The following DOK7 variants were observed in gnomAD, a reference collection of about 807,000 sequenced individuals.
The protein encoded by DOK7 is docking protein 7.
A neutral mutation model predicts 30.7 loss-of-function variants in DOK7; 32 were observed. That is an observed-to-expected ratio of 1.04 (90% CI 0.79 to 1.40). The LOEUF (loss-of-function observed/expected upper bound fraction) is 1.40. Ranked by LOEUF, DOK7 falls within the 40% of genes most tolerant of loss-of-function variation. The probability of loss-of-function intolerance (pLI) is 0.00; values close to 1 mark genes in which losing one functional copy is unlikely to be tolerated. For synonymous variants in DOK7, 447 were observed against 324.1 expected, an observed-to-expected ratio of 1.38 and a Z score of -4.07; for missense variants, 1,007 against 699.2, an observed-to-expected ratio of 1.44 and a Z score of -4.97.
chr4:3,493,657 C>T lies in DOK7; in HGVS notation c.*156C>T. On this transcript the variant is annotated 3_prime_UTR_variant, in exon 7 of 7. Transcript: ENST00000340083. ...GGGAGCTGGAGGGCGCGCCCTGTGG[C>T]TGCCACCGGAGGAAGGGGCTGACTT... 1 of 1,456,808 alleles carries T rather than the reference C, an allele frequency of 6.9e-7. No homozygotes were observed. Among genetic ancestry groups the T allele is most frequent in the Non-Finnish European group, 9.1e-7 (1 of 1,103,556 alleles). 90.2% of individuals were successfully genotyped at this position (1,456,808 alleles called of 1,614,324 possible). A position where few individuals can be genotyped will look rare whatever the true frequency, so the allele number is the denominator to read the frequency against.
At position 3,494,475 on chromosome 4, in the gene DOK7, T is replaced by C. The variant is rs528295866; in HGVS notation, c.*974T>C. On this transcript the variant is annotated 3_prime_UTR_variant, in exon 7 of 7. Coordinates refer to ENST00000340083, the MANE Select transcript of DOK7 (RefSeq NM_173660.5). ...GTAATAGACTGGAAATAAAATGTTC[T>C]TTCCTTACCACCTTGTCCTAGTCCG... 5.7e-5 allele frequency: 56 copies of C among 985,486 alleles called. No individual in the cohort carries two copies. The Admixed American group carries it at 1.8e-3, about 31-fold the overall frequency. The allele number at this position is 985,486 out of a possible 1,614,324, so 61.0% of individuals were successfully genotyped here.
At chr4:3,476,583 C>A (rs1727106680) in intron 4 of DOK7, 41 bp downstream of exon 4, 1 of 1,607,364 alleles carries the variant, frequency 6.2e-7, no homozygotes, top group Admixed American at 1.7e-5. Context: ...GCAGCAGCAC[C>A]CCCCACTTCC....
In DOK7 at chr4:3,493,745, A is replaced by G; in HGVS notation, c.*244A>G. On this transcript the variant is annotated 3_prime_UTR_variant, in exon 7 of 7. Coordinates refer to ENST00000340083, the MANE Select transcript of DOK7 (RefSeq NM_173660.5). ...GGCAGGTCGGGGTCACCAGAGCCCC[A>G]ATGCTCAGCTGCTTCACTCCGTGTC... 7.0e-7 allele frequency: 1 copy of G among 1,419,634 alleles called. No individual in the cohort carries two copies. The highest frequency in any genetic ancestry group is 1.5e-5 in the South Asian group (1 of 64,964). The allele number at this position is 1,419,634 out of a possible 1,614,324, so 87.9% of individuals were successfully genotyped here. A position where few individuals can be genotyped will look rare whatever the true frequency, so the allele number is the denominator to read the frequency against.
chr4:3,473,303 T>C lies in DOK7; in HGVS notation c.101-103T>C, dbSNP rs1396858888. On this transcript the variant is annotated intron_variant, in intron 2 of 6. Transcript: ENST00000340083. ...TGGCTGAGTGGCTGGCTTGAGGTCA[T>C]GACCCCAGCCCGGGTCTCTGCACTG... 5 of 1,183,974 alleles carry C rather than the reference T, an allele frequency of 4.2e-6. No individual in the cohort carries two copies. The African/African-American group carries it at 6.1e-5, about 14-fold the overall frequency. The allele number at this position is 1,183,974 out of a possible 1,614,324, so 73.3% of individuals were successfully genotyped here.
intron 5 of DOK7, among the ~76,000 whole-genome samples, chr4:3,487,103 C>A (rs1413971023): frequency 6.6e-6 from 1 of 152,188 alleles, no homozygotes; most frequent in Admixed American, 6.5e-5. Context: ...GACCCCACTC[C>A]ACAGGACATC....
chr4:3,464,842 G>A (rs764701360), intron 2 of DOK7, among the ~76,000 whole-genome samples: 15 of 152,176 alleles, frequency 9.9e-5, no homozygotes, highest in African/African-American at 2.7e-4. Flanking sequence ...GTGCTCCCCC[G>A]GCCGGTGAGT....
chr4:3,494,538 G>A (rs868076796), downstream of DOK7: 82 of 985,170 alleles, frequency 8.3e-5, 1 homozygote, highest in South Asian at 1.8e-3. Context: ...CACCCTCCAC[G>A]TGGGGCCTCT....
In DOK7 at chr4:3,493,119, CG is replaced by C; in HGVS notation, c.1138del (p.Ala380ProfsTer76). ...GGCTCACTGCTCAGCCTGCCAGCAG[CG>C]GGGGCCCCCGAGCCCAGCCTGTGCA... is the stretch of plus-strand genomic sequence containing the variant. The part of the protein sequence containing the change: ...ELGSLLSLPA[A>X]GAPEPSLCTC... On this transcript the variant is annotated frameshift_variant, in exon 7 of 7. Coordinates refer to ENST00000340083, the MANE Select transcript of DOK7 (RefSeq NM_173660.5). LOFTEE classifies it low-confidence loss of function (END_TRUNC). 4.4e-6 allele frequency: 7 copies of C among 1,589,570 alleles called. No individual in the cohort carries two copies. Among genetic ancestry groups the C allele is most frequent in the African/African-American group, 1.3e-5 (1 of 74,630 alleles).
rs548551864 is a variant in DOK7 at position 3,478,704 on chromosome 4, G to A, written c.532+2162G>A. On this transcript the variant is annotated intron_variant, in intron 4 of 6. Transcript: ENST00000340083. Reference sequence around the variant, plus strand: ...TCTGGGAATTCGGTCACCGACGGCTGCACACCCCGTAGGGTAGGTGGGTTC... The same window carrying A: ...TCTGGGAATTCGGTCACCGACGGCTACACACCCCGTAGGGTAGGTGGGTTC... Among the ~76,000 whole-genome samples, 22 of 135,458 alleles carry A rather than the reference G, an allele frequency of 1.6e-4. No individual in the cohort carries two copies. In the South Asian group the frequency reaches 5.1e-3, roughly 31 times the overall value. The allele number at this position is 135,458 out of a possible 152,430, so 88.9% of individuals were successfully genotyped here.
At chr4:3,472,010 C>T (rs970065707) in intron 2 of DOK7, among the ~76,000 whole-genome samples, 2 of 152,270 alleles carry the variant, frequency 1.3e-5, no homozygotes, top group Non-Finnish European at 2.9e-5. Context: ...GCTGCTTTCA[C>T]GCAGCAAGGG....
intron 4 of DOK7, among the ~76,000 whole-genome samples, chr4:3,482,460 A>G (rs1014648202): frequency 2.6e-5 from 4 of 152,240 alleles, no homozygotes; most frequent in Admixed American, 6.5e-5. Context: ...AGGTTCCAAG[A>G]GAGCAGAAGC....
chr4:3,493,252 A>C lies in DOK7; in HGVS notation c.1266A>C (p.Ser422=). ...CLAPRDHSPP[S]QGSPGNSAAR... ...CTCCTAGAGACCACAGCCCCCCCTC[A>C]CAGGGCAGCCCCGGCAACAGTGCGG... Residue 422 remains serine (S), a synonymous_variant, in exon 7 of 7, where the codon TCA becomes TCC. Transcript: ENST00000340083. 4 of 1,611,712 alleles carry C rather than the reference A, an allele frequency of 2.5e-6. No homozygotes were observed. Among genetic ancestry groups the C allele is most frequent in the Non-Finnish European group, 3.4e-6 (4 of 1,179,582 alleles).
At position 3,464,716 on chromosome 4, in the gene DOK7, C is replaced by T. The variant is rs147835136; in HGVS notation, c.100+1165C>T. Among the ~76,000 whole-genome samples, 569 of 152,302 alleles carry T rather than the reference C, an allele frequency of 3.7e-3. 1 individual carries two copies. Among genetic ancestry groups the T allele is most frequent in the Non-Finnish European group, 6.7e-3 (454 of 68,010 alleles). On this transcript the variant is annotated intron_variant, in intron 2 of 6. Coordinates refer to ENST00000340083, the MANE Select transcript of DOK7 (RefSeq NM_173660.5). The stretch of plus-strand genomic sequence containing the variant: ...AGAGGCCGCATCCCAGGAAGGCACC[C>T]GGGACAGCAGCCCCCAAAGAGGAGT...
At chr4:3,490,988 C>T (rs993900503) in intron 6 of DOK7, among the ~76,000 whole-genome samples, 3 of 94,410 alleles carry the variant, frequency 3.2e-5, no homozygotes, top group African/African-American at 1.1e-4. Flanking sequence ...CCCTCCTGCT[C>T]ATTCATTCCT....
Position 3,500,379 on chromosome 4 carries a change from C to T in DOK7, c.1237C>T (p.Gln413Ter), listed in dbSNP as rs1218201698. Residue 413 changes from glutamine (Q) to a stop codon, truncating the protein, a stop_gained, in exon 7 of 8, where the codon CAG (glutamine) becomes TAG (stop). Coordinates refer to the DOK7 transcript ENST00000643608. LOFTEE classifies it low-confidence loss of function (END_TRUNC). ...GCTGCACTACATGGGCCTGGAGCTC[C>T]AGGAGGCCAGCGAGGGTGTCCGAGG... 2.6e-6 allele frequency: 4 copies of T among 1,535,924 alleles called. No individual in the cohort carries two copies. The highest frequency in any genetic ancestry group is 1.7e-4 in the Middle Eastern group (1 of 5,978).
At position 3,493,623 on chromosome 4, in the gene DOK7, C is replaced by T. The variant is rs952023301; in HGVS notation, c.*122C>T. 4 of 1,495,368 alleles carry T rather than the reference C, an allele frequency of 2.7e-6. No homozygotes were observed. The highest frequency in any genetic ancestry group is 3.6e-6 in the Non-Finnish European group (4 of 1,119,784). 92.6% of individuals were successfully genotyped at this position (1,495,368 alleles called of 1,614,324 possible). A position where few individuals can be genotyped will look rare whatever the true frequency, so the allele number is the denominator to read the frequency against. ...GTTCTGTGGGAGGGACCGGGGGTCT[C>T]CCGGAGAGGGGAGCTGGAGGGCGCG... On this transcript the variant is annotated 3_prime_UTR_variant, in exon 7 of 7. Coordinates refer to ENST00000340083, the MANE Select transcript of DOK7 (RefSeq NM_173660.5).
chr4:3,484,696 C>T, intron 4 of DOK7: 3 of 985,498 alleles, frequency 3.0e-6, no homozygotes, highest in Non-Finnish European at 3.6e-6. Context: ...TGTGGGGGTG[C>T]AGGGGTGGAT....
Position 3,478,910 on chromosome 4 carries a change from G to A in DOK7, c.532+2368G>A, listed in dbSNP as rs577001482. Among the ~76,000 whole-genome samples, 49 of 152,338 alleles carry A rather than the reference G, an allele frequency of 3.2e-4. 1 individual carries two copies. The highest frequency in any genetic ancestry group is 1.1e-3 in the African/African-American group (45 of 41,574). On this transcript the variant is annotated intron_variant, in intron 4 of 6. Coordinates refer to ENST00000340083, the MANE Select transcript of DOK7 (RefSeq NM_173660.5). ...CTGAGTGCAGGCCGTCTGGCTGGAG[G>A]GACGGGGAGTCTGCGGCACGTGTGG...
intron 2 of DOK7, among the ~76,000 whole-genome samples, chr4:3,468,570 ATGTG>A (rs761082237): frequency 1.2e-4 from 13 of 112,402 alleles, no homozygotes; most frequent in African/African-American, 3.7e-4. Flanking sequence ...GCATGTATGA[ATGTG>A]TGTGCTTGTC....
Sources: allele counts gnomAD v4.1 joint callset (sites outside exome capture counted in the v4.1 genomes callset), GRCh38; gene constraint gnomAD v4.1.1; transcripts MANE v1.5; gene names NCBI Gene and HGNC (gene_info 2026-07-23, HGNC 2026-07-21).